The following PPIC variants were observed in gnomAD, a reference collection of about 807,000 sequenced individuals.
PPIC encodes the protein peptidylprolyl isomerase C.
In PPIC, 19 loss-of-function variants were observed where a neutral mutation model predicts 19.5. The ratio of observed to expected loss-of-function variants is 0.98; its 90% CI spans 0.68 to 1.43. The LOEUF (loss-of-function observed/expected upper bound fraction) is 1.43, where lower values mean the gene tolerates loss of function less well. PPIC is among the 40% of genes most tolerant of loss of function. PPIC has a pLI of 0.00. For missense variants in PPIC, 268 were observed against 268.6 expected (o/e 1.00, Z 0.02); for synonymous variants, 107 against 101.2 (o/e 1.06, Z -0.34).
At chr5:123,026,391 C>G (rs1415523068) in intron 3 of PPIC, among the ~76,000 whole-genome samples, 1 of 152,168 alleles carries the variant, frequency 6.6e-6, no homozygotes, top group Non-Finnish European at 1.5e-5. Context: ...GTGACTTATC[C>G]AGGATTGGGT....
At chr5:123,026,812 A>G (rs570461908) in intron 3 of PPIC, among the ~76,000 whole-genome samples, 2 of 152,300 alleles carry the variant, frequency 1.3e-5, no homozygotes, top group Non-Finnish European at 2.9e-5. Flanking sequence ...CCATCCTCCA[A>G]TACCTCAAGG....
At position 123,036,502 on chromosome 5, in the gene PPIC, C is replaced by A. The variant is rs774443732; in HGVS notation, c.117+7G>T. The A allele has an allele frequency of 6.2e-7, 1 of 1,604,018 alleles. No homozygotes were observed. ...AGGGGAAGTTGCAGCCCGCCGCTCT[C>A]GGTCACCTTGGCCGTCACCGAGGGG... On this transcript the variant is annotated splice_region_variant and intron_variant, in intron 1 of 4. Coordinates refer to ENST00000306442, the MANE Select transcript of PPIC (RefSeq NM_000943.5). This position sits in a 1 kb window ranked among gnomAD's most constrained non-coding sequence, Gnocchi z 4.5.
At position 123,027,962 on chromosome 5, in the gene PPIC, CTA is replaced by C. The variant is rs1170059148; in HGVS notation, c.325+811_325+812del. 4.6e-5 allele frequency among the ~76,000 whole-genome samples: 7 copies of C among 152,314 alleles called. No individual in the cohort carries two copies. The East Asian group carries it at 1.4e-3, about 29-fold the overall frequency. Reference sequence around the variant, plus strand: ...GAGATTTGAAACTCTCTAAATTTAACTATCTCTACTTTATTGAACTCCAACTT... The same window carrying C: ...GAGATTTGAAACTCTCTAAATTTAACTCTCTACTTTATTGAACTCCAACTT... On this transcript the variant is annotated intron_variant, in intron 3 of 4. Transcript: ENST00000306442.
intron 2 of PPIC, 39 bp from the exon 3 acceptor site, chr5:123,028,907 G>T: frequency 6.8e-7 from 1 of 1,481,008 alleles, no homozygotes; most frequent in South Asian, 1.2e-5. Flanking sequence ...AGTAACAGAG[G>T]CCATACTGAA....
Position 123,032,686 on chromosome 5 carries a change from C to T in PPIC, c.118-3268G>A, listed in dbSNP as rs879712906. ...GGTGGGGCTACAAAGCTCCTACCCT[C>T]AAGGAGCTTCAGTCCAACAGAAAAC... On this transcript the variant is annotated intron_variant, in intron 1 of 4. Coordinates refer to ENST00000306442, the MANE Select transcript of PPIC (RefSeq NM_000943.5). Among the ~76,000 whole-genome samples the T allele has an allele frequency of 1.1e-4, 17 of 152,070 alleles. 1 individual carries two copies. Among genetic ancestry groups the T allele is most frequent in the African/African-American group, 3.1e-4 (13 of 41,402 alleles).
intron 4 of PPIC, among the ~76,000 whole-genome samples, chr5:123,024,283 A>G (rs527880674): frequency 4.5e-4 from 68 of 152,354 alleles, no homozygotes; most frequent in African/African-American, 1.5e-3. Context: ...TAAGCATTTT[A>G]TATTCTAAAA....
At chr5:123,032,041 C>T (rs1274638508) in intron 1 of PPIC, among the ~76,000 whole-genome samples, 3 of 152,186 alleles carry the variant, frequency 2.0e-5, no homozygotes, top group African/African-American at 7.2e-5. Context: ...AAGTGATCCG[C>T]CCATCTTGGC....
chr5:123,029,043 A>T, intron 2 of PPIC, 175 bp from the exon 3 acceptor site: 1 of 813,784 alleles, frequency 1.2e-6, no homozygotes. Flanking sequence ...CAAAAAATAA[A>T]TATGTTATGG....
intron 4 of PPIC, among the ~76,000 whole-genome samples, chr5:123,024,914 C>T (rs1208954367): frequency 6.6e-6 from 1 of 152,122 alleles, no homozygotes; most frequent in East Asian, 1.9e-4. Flanking sequence ...ACTTCAGGCA[C>T]CTGTAAGGCA....
Position 123,023,959 on chromosome 5 carries a change from G to T in PPIC, c.555C>A (p.Asp185Glu), listed in dbSNP as rs777380161. 2.9e-5 allele frequency: 47 copies of T among 1,613,966 alleles called. No individual in the cohort carries two copies. The highest frequency in any genetic ancestry group is 3.7e-5 in the Non-Finnish European group (44 of 1,180,010). ...TGATCGAGCAGTTGGTGAGTGGACGGTCATGCCCATCAGTTGCTTGGAGCT... is the reference window on the plus strand; with the variant it reads ...TGATCGAGCAGTTGGTGAGTGGACGTTCATGCCCATCAGTTGCTTGGAGCT... ...SIELQATDGH[D>E]RPLTNCSIIN... The change falls in exon 5 of 5, where the codon GAC becomes GAA. Residue 185 changes from aspartate (D) to glutamate (E), a missense_variant. By Grantham distance (45) the Asp-to-Glu change is conservative. Transcript: ENST00000306442.
At chr5:123,030,454 A>G (rs1762927231) in intron 1 of PPIC, among the ~76,000 whole-genome samples, 1 of 152,232 alleles carries the variant, frequency 6.6e-6, no homozygotes, top group South Asian at 2.1e-4. Flanking sequence ...AAAATATAAG[A>G]ACGGTTGTCA....
In PPIC at chr5:123,023,809, C is replaced by CACAT; in HGVS notation, c.*65_*66insATGT. 1 of 849,088 alleles carries CACAT rather than the reference C, an allele frequency of 1.2e-6. No homozygotes were observed. The highest frequency in any genetic ancestry group is 1.5e-6 in the Non-Finnish European group (1 of 646,694). 52.6% of individuals were successfully genotyped at this position (849,088 alleles called of 1,614,324 possible). On this transcript the variant is annotated 3_prime_UTR_variant, in exon 5 of 5. Transcript: ENST00000306442. ...AGCAAATAATTGAAAGACAACACAACACACACACACACACACACACACACA... is the reference window on the plus strand; with the variant it reads ...AGCAAATAATTGAAAGACAACACAACACATACACACACACACACACACACACACA...
chr5:123,030,766 C>T (rs1010693622), intron 1 of PPIC, among the ~76,000 whole-genome samples: 13 of 152,280 alleles, frequency 8.5e-5, no homozygotes, highest in Admixed American at 5.2e-4. Context: ...AGTGCAGAGC[C>T]GGCTTACAAG....
intron 2 of PPIC, 86 bp downstream of exon 2, chr5:123,029,219 T>C: frequency 1.2e-6 from 2 of 1,607,216 alleles, no homozygotes; most frequent in Non-Finnish European, 1.7e-6. Context: ...ACATACTAAT[T>C]TAATACTTAT....
In PPIC at chr5:123,023,880, A is replaced by C. The variant is rs1369357212; in HGVS notation, c.634T>G (p.Trp212Gly). 6.2e-7 allele frequency: 1 copy of C among 1,613,038 alleles called. No homozygotes were observed. Among genetic ancestry groups the C allele is most frequent in the Non-Finnish European group, 8.5e-7 (1 of 1,179,674 alleles). ...CTTGTTTTCTGCCAGTTGTGTCACC[A>C]ATCAGCGATCTCAACCACAAAAGGC... is the stretch of plus-strand genomic sequence containing the variant. ...KTPFVVEIAD[W>G] Residue 212 changes from tryptophan (W) to glycine (G), a missense_variant, in exon 5 of 5, where the codon TGG (tryptophan) becomes GGG (glycine). Physicochemically the swap from Trp to Gly is radical, Grantham distance 184 (BLOSUM62 -2). Transcript: ENST00000306442.
intron 1 of PPIC, among the ~76,000 whole-genome samples, chr5:123,031,931 G>A (rs953505482): frequency 3.3e-5 from 5 of 152,158 alleles, no homozygotes; most frequent in Non-Finnish European, 5.9e-5. Flanking sequence ...AGAGTAGCTG[G>A]GATTACAGGT....
chr5:123,036,177 A>C lies in PPIC; in HGVS notation c.117+332T>G. 3.2e-6 allele frequency: 1 copy of C among 311,774 alleles called. No homozygotes were observed. Among genetic ancestry groups the C allele is most frequent in the Non-Finnish European group, 6.1e-6 (1 of 164,942 alleles). 19.3% of individuals were successfully genotyped at this position (311,774 alleles called of 1,614,324 possible). On this transcript the variant is annotated intron_variant, in intron 1 of 4. Coordinates refer to ENST00000306442, the MANE Select transcript of PPIC (RefSeq NM_000943.5). This position sits in a 1 kb window ranked among gnomAD's most constrained non-coding sequence, Gnocchi z 4.5. ...GCCACGCTGAAGGAAGTACTTGGGCAGTCTCTTTCCTGGAGAACGGGCCCG... is the reference window on the plus strand; with the variant it reads ...GCCACGCTGAAGGAAGTACTTGGGCCGTCTCTTTCCTGGAGAACGGGCCCG...
Position 123,023,985 on chromosome 5 carries a change from C to G in PPIC, c.529G>C (p.Glu177Gln). The G allele has an allele frequency of 6.2e-7, 1 of 1,613,462 alleles. No individual in the cohort carries two copies. Among genetic ancestry groups the G allele is most frequent in the Non-Finnish European group, 8.5e-7 (1 of 1,179,608 alleles). ...TCATGCCCATCAGTTGCTTGGAGCT[C>G]TATGGAGTGCACCACTGTCTGGTGA... is the stretch of plus-strand genomic sequence containing the variant. ...IDGMTVVHSI[E>Q]LQATDGHDRP... Residue 177 changes from glutamate to glutamine, a missense_variant, in exon 5 of 5, where the codon GAG (glutamate) becomes CAG (glutamine). By Grantham distance (29) the Glu-to-Gln change is conservative (BLOSUM62 2). Transcript: ENST00000306442.
chr5:123,030,650 A>G (rs1762929038), intron 1 of PPIC, among the ~76,000 whole-genome samples: 1 of 152,216 alleles, frequency 6.6e-6, no homozygotes, highest in Non-Finnish European at 1.5e-5. Context: ...TATTACTTAT[A>G]TAGAAGAGCT....
Sources: gnomAD v4.1 joint callset for allele counts (sites outside exome capture counted in the v4.1 genomes callset) on GRCh38, gnomAD v4.1.1 for gene constraint, Gnocchi (gnomAD v3.1) non-coding constraint, MANE v1.5 for transcripts, NCBI Gene and HGNC (gene_info 2026-07-23, HGNC 2026-07-21) for gene names.